NEDD9: variants seen among roughly 807,000 people sequenced by gnomAD.
NEDD9 encodes neural precursor cell expressed, developmentally down-regulated 9.
In NEDD9, 26 loss-of-function variants were observed where a neutral mutation model predicts 76.6. The observed-to-expected ratio is 0.34, with a 90% CI of 0.25 to 0.47. The LOEUF is 0.47. Ranked by LOEUF, NEDD9 falls within the 20% of genes least tolerant of loss-of-function variation. The pLI, the probability that NEDD9 is intolerant of heterozygous loss-of-function variation, is 1.00. For synonymous variants in NEDD9, 392 were observed against 414.2 expected, an observed-to-expected ratio of 0.95 and a Z score of 0.65; for missense variants, 937 against 1,058.5, an observed-to-expected ratio of 0.89 and a Z score of 1.59.
rs1759933356 is a variant in NEDD9, at chr6:11,252,558, C to A, written c.13-38831G>T. Among the ~76,000 whole-genome samples the A allele has an allele frequency of 6.6e-6, 1 of 152,170 alleles. No homozygotes were observed. The highest frequency in any genetic ancestry group is 1.9e-4 in the East Asian group (1 of 5,204). ...CACCCCCTTCCATGGTCAAAGAAAC[C>A]CTGTAGAGAGCAGAAAGGAGCTGGT... On this transcript the variant is annotated intron_variant, in intron 3 of 3. Coordinates refer to the NEDD9 transcript ENST00000397378. The surrounding 1 kb of genome is among the most constrained non-coding windows in gnomAD (Gnocchi z 4.3).
chr6:11,325,131 G>T (rs1176966774), intron 2 of NEDD9, among the ~76,000 whole-genome samples: 1 of 152,140 alleles, frequency 6.6e-6, no homozygotes, highest in Non-Finnish European at 1.5e-5. Flanking sequence ...CGAGGTGGTG[G>T]ATCACCTGAG....
At position 11,191,068 on chromosome 6, in the gene NEDD9, G is replaced by A; in HGVS notation, c.801C>T (p.Cys267=). Residue 267 remains cysteine (C), a synonymous_variant, in exon 5 of 7, where the codon TGC becomes TGT. Coordinates refer to ENST00000379446, the MANE Select transcript of NEDD9 (RefSeq NM_006403.4). ...GAAGGTCCTTCCCTGCTGGCTTGGT[G>A]CAGGTTGGAGGAATGTCATAAACCC... ...PEGVYDIPPT[C]TKPAGKDLHV... is the part of the protein sequence containing the mutation. The A allele has an allele frequency of 6.2e-7, 1 of 1,614,016 alleles. No individual in the cohort carries two copies. The highest frequency in any genetic ancestry group is 1.1e-5 in the South Asian group (1 of 91,080).
chr6:11,199,559 G>A (rs1350435319), intron 2 of NEDD9: 1 of 137,594 alleles, frequency 7.3e-6, no homozygotes, highest in Non-Finnish European at 1.5e-5. Flanking sequence ...TTGACTTCCA[G>A]AAATCATGGA....
chr6:11,351,814 G>A (rs757372306), intron 1 of NEDD9, among the ~76,000 whole-genome samples: 6 of 152,292 alleles, frequency 3.9e-5, no homozygotes, highest in South Asian at 2.1e-4. Context: ...TATTCTATGC[G>A]TTTGTATGTT....
intron 3 of NEDD9, chr6:11,305,018 T>C: frequency 8.5e-7 from 1 of 1,179,506 alleles, no homozygotes; most frequent in Non-Finnish European, 1.1e-6. Flanking sequence ...GGAAATCCTT[T>C]TGTTACTTAT....
chr6:11,204,302 C>G (rs936839933), intron 2 of NEDD9, among the ~76,000 whole-genome samples: 6 of 152,344 alleles, frequency 3.9e-5, no homozygotes, highest in African/African-American at 1.4e-4. Flanking sequence ...CAAGTAAATA[C>G]TCTCAAAGAA....
chr6:11,242,611 C>G (rs1390894678), intron 3 of NEDD9, among the ~76,000 whole-genome samples: 2 of 151,660 alleles, frequency 1.3e-5, no homozygotes, highest in East Asian at 3.9e-4. Flanking sequence ...ACTGTCTTTC[C>G]TTTTTATCCA....
intron 1 of NEDD9, among the ~76,000 whole-genome samples, chr6:11,340,866 A>T (rs1401896510): frequency 6.6e-6 from 1 of 152,170 alleles, no homozygotes; most frequent in Non-Finnish European, 1.5e-5. Context: ...ACTAGAGTAA[A>T]AGCTAGAGTG....
chr6:11,245,729 A>C (rs934273597), intron 3 of NEDD9, among the ~76,000 whole-genome samples: 3 of 152,220 alleles, frequency 2.0e-5, no homozygotes, highest in Non-Finnish European at 2.9e-5. Flanking sequence ...GCCAATGCCA[A>C]AGTGCTACAT....
intron 3 of NEDD9, among the ~76,000 whole-genome samples, chr6:11,260,629 G>A (rs1760089266): frequency 6.6e-6 from 1 of 152,218 alleles, no homozygotes; most frequent in South Asian, 2.1e-4. Flanking sequence ...GAGTGAATGG[G>A]CTTGAATTAA....
intron 1 of NEDD9, among the ~76,000 whole-genome samples, chr6:11,368,516 G>T (rs1035819899): frequency 6.6e-6 from 1 of 152,158 alleles, no homozygotes; most frequent in East Asian, 1.9e-4. Context: ...TTCCATGCTG[G>T]TGGGAGCTAC....
intron 3 of NEDD9, among the ~76,000 whole-genome samples, chr6:11,303,758 T>C (rs1317167550): frequency 1.3e-5 from 2 of 152,206 alleles, no homozygotes; most frequent in African/African-American, 4.8e-5. Context: ...GCTAGCCATA[T>C]GTAGAAAGCT....
Position 11,232,573 on chromosome 6 carries a change from G to A in NEDD9, c.-58C>T. 6.2e-7 allele frequency: 1 copy of A among 1,613,530 alleles called. No homozygotes were observed. Among genetic ancestry groups the A allele is most frequent in the Non-Finnish European group, 8.5e-7 (1 of 1,179,832 alleles). On this transcript the variant is annotated 5_prime_UTR_variant, in exon 1 of 7. It introduces an in-frame stop codon into an upstream open reading frame of the 5' UTR. Coordinates refer to ENST00000379446, the MANE Select transcript of NEDD9 (RefSeq NM_006403.4). Reference sequence around the variant, plus strand: ...ACTAGTTAAGACAGCATTAAGCACTGCGGTGCCCGCCCCTCCATTGAGTGC... The same window carrying A: ...ACTAGTTAAGACAGCATTAAGCACTACGGTGCCCGCCCCTCCATTGAGTGC...
In NEDD9 at chr6:11,321,941, G is replaced by A. The variant is rs1437435419; in HGVS notation, c.-153+12560C>T. ...GCTTTGTGAATTGATGCCCATCAACGAGAGACTGGATAAAGAAAATGTGGC... is the reference window on the plus strand; with the variant it reads ...GCTTTGTGAATTGATGCCCATCAACAAGAGACTGGATAAAGAAAATGTGGC... On this transcript the variant is annotated intron_variant, in intron 2 of 3. Transcript: ENST00000397378. 1.5e-4 allele frequency among the ~76,000 whole-genome samples: 23 copies of A among 152,276 alleles called. 1 individual carries two copies. The highest frequency in any genetic ancestry group is 5.3e-4 in the African/African-American group (22 of 41,564).
intron 1 of NEDD9, among the ~76,000 whole-genome samples, chr6:11,216,788 C>G (rs12215491): frequency 0.2 from 30,238 of 152,212 alleles, 3,225 homozygotes; most frequent in African/African-American, 0.23. Context: ...CGCCTTGCCT[C>G]CTTTCCATTT....
intron 1 of NEDD9, among the ~76,000 whole-genome samples, chr6:11,342,605 C>T (rs1156259875): frequency 6.6e-6 from 1 of 152,110 alleles, no homozygotes; most frequent in African/African-American, 2.4e-5. Flanking sequence ...GAAATGAAGA[C>T]ATTTTCAGAT....
chr6:11,271,120 A>G (rs1760297732), intron 3 of NEDD9, among the ~76,000 whole-genome samples: 1 of 152,150 alleles, frequency 6.6e-6, no homozygotes, highest in Non-Finnish European at 1.5e-5. Flanking sequence ...TCCAGCCTCC[A>G]TCTCCTGGGC....
At chr6:11,301,733 A>G (rs1224801727) in intron 3 of NEDD9, among the ~76,000 whole-genome samples, 5 of 152,218 alleles carry the variant, frequency 3.3e-5, no homozygotes, top group Non-Finnish European at 7.3e-5. Context: ...ACACAACTAC[A>G]TGGAAACTGA....
intron 3 of NEDD9, among the ~76,000 whole-genome samples, chr6:11,262,956 A>AT (rs1001774737): frequency 2.0e-5 from 3 of 152,208 alleles, no homozygotes; most frequent in Admixed American, 6.5e-5. Context: ...GAGTTATTCA[A>AT]TTTTTTTCCC....
Sources: allele counts gnomAD v4.1 joint callset (sites outside exome capture counted in the v4.1 genomes callset), GRCh38; gene constraint gnomAD v4.1.1; non-coding constraint Gnocchi (gnomAD v3.1); transcripts MANE v1.5; gene names NCBI Gene and HGNC (gene_info 2026-07-23, HGNC 2026-07-21).